Variants in ZFYVE19 observed in about 807,000 individuals in gnomAD.
ZFYVE19 encodes zinc finger FYVE-type containing 19.
Under a neutral mutation model 62.8 loss-of-function variants are expected in ZFYVE19, and 49 were observed. The observed-to-expected ratio is 0.78, with a 90% CI of 0.62 to 0.99. The LOEUF (loss-of-function observed/expected upper bound fraction) is 0.99. ZFYVE19 is among the 50% of genes least tolerant of loss of function. The probability of loss-of-function intolerance (pLI) is 0.00; values close to 1 mark genes in which losing one functional copy is unlikely to be tolerated. For missense variants in ZFYVE19, 630 were observed against 601.9 expected, an observed-to-expected ratio of 1.05 and a Z score of -0.49; for synonymous variants, 242 against 234.3, an observed-to-expected ratio of 1.03 and a Z score of -0.30.
intron 3 of ZFYVE19, 69 bp downstream of exon 3, chr15:40,809,527 G>T: frequency 6.4e-7 from 1 of 1,553,988 alleles, no homozygotes; most frequent in Non-Finnish European, 8.8e-7. Context: ...GAAAGACCCT[G>T]CCCCCATCTT....
intron 1 of ZFYVE19, chr15:40,808,627 A>G (rs1890361606): frequency 2.4e-6 from 1 of 412,332 alleles, no homozygotes; most frequent in Non-Finnish European, 4.4e-6. Context: ...AAGTAAAATA[A>G]TGTGTGTAAA....
At position 40,807,740 on chromosome 15, in the gene ZFYVE19, G is replaced by A; in HGVS notation, c.151G>A (p.Gly51Ser). Residue 51 changes from glycine to serine, a missense_variant, in exon 1 of 11, where the codon GGT becomes AGT. By Grantham distance (56) the Gly-to-Ser change is moderately conservative (BLOSUM62 0). Coordinates refer to ENST00000355341, the MANE Select transcript of ZFYVE19 (RefSeq NM_001077268.2). ...GCAGGGAAGGGAAGGGCGGAGCTGG[G>A]GTGAGGGTCCAAGGGGCCCAGGACT... ...AGQGREGRSW[G>S]EGPRGPGLGR... 3 of 1,595,350 alleles carry A rather than the reference G, an allele frequency of 1.9e-6. No homozygotes were observed. Among genetic ancestry groups the A allele is most frequent in the South Asian group, 2.2e-5 (2 of 89,032 alleles).
rs1165150897 is a variant in ZFYVE19, at chr15:40,809,836, T to C, written c.453-16T>C. On this transcript the variant is annotated splice_polypyrimidine_tract_variant and intron_variant, in intron 3 of 10. Transcript: ENST00000355341. ...CCTCTGCCTTCTTCAAGAGCCTCTA[T>C]CTCATATCCTGCCAGGCGTGTGGCA... 1 of 1,613,372 alleles carries C rather than the reference T, an allele frequency of 6.2e-7. No individual in the cohort carries two copies. Among genetic ancestry groups the C allele is most frequent in the African/African-American group, 1.3e-5 (1 of 75,020 alleles).
intron 6 of ZFYVE19, among the ~76,000 whole-genome samples, 154 bp from the exon 7 acceptor site, chr15:40,812,545 C>CA (rs373468873): frequency 2.6e-3 from 119 of 46,474 alleles, no homozygotes; most frequent in African/African-American, 3.1e-3. Flanking sequence ...GACTCCATCT[C>CA]AAAAAAAAAA....
chr15:40,808,390 C>T lies in ZFYVE19; in HGVS notation c.279+522C>T, dbSNP rs371050110. The T allele has an allele frequency of 6.5e-5, 103 of 1,595,866 alleles. No homozygotes were observed. In the South Asian group the frequency reaches 9.3e-4, roughly 14 times the overall value. ...CTGGTAAACTGCAGGTTCCCTCTGC[C>T]TCAGTTGTGGCCAGGGATTCTGACC... On this transcript the variant is annotated intron_variant, in intron 1 of 10. Transcript: ENST00000355341.
intron 2 of ZFYVE19, 53 bp from the exon 3 acceptor site, chr15:40,809,355 G>C: frequency 6.2e-7 from 1 of 1,613,492 alleles, no homozygotes; most frequent in East Asian, 2.2e-5. Context: ...TGGAGTGGGG[G>C]GCACTGCCTG....
intron 1 of ZFYVE19, chr15:40,808,695 A>G: frequency 3.2e-6 from 1 of 316,490 alleles, no homozygotes; most frequent in South Asian, 3.6e-5. Flanking sequence ...CCTGGCACAT[A>G]GTAAGTGCTT....
Position 40,807,162 on chromosome 15 carries a change from A to T in ZFYVE19, c.-428A>T. ...GAGAGCACAGCCACCCGGCGCGAAG[A>T]GCCCTCTGTACCCCGCTTCCTCTTG... On this transcript the variant is annotated 5_prime_UTR_variant, in exon 1 of 11. Transcript: ENST00000355341. 7.8e-7 allele frequency: 1 copy of T among 1,275,086 alleles called. No homozygotes were observed. The highest frequency in any genetic ancestry group is 1.1e-6 in the Non-Finnish European group (1 of 948,848). The allele number at this position is 1,275,086 out of a possible 1,614,324, so 79.0% of individuals were successfully genotyped here.
chr15:40,807,238 T>C lies in ZFYVE19; in HGVS notation c.-352T>C. 6.4e-7 allele frequency: 1 copy of C among 1,565,738 alleles called. No homozygotes were observed. The highest frequency in any genetic ancestry group is 8.6e-7 in the Non-Finnish European group (1 of 1,156,522). ...TCTGGGAGCCCGCCTGCGGAGGGCA[T>C]AGCGCCGACCCTCGCTCCCCGCCCA... is the stretch of plus-strand genomic sequence containing the variant. On this transcript the variant is annotated 5_prime_UTR_variant, in exon 1 of 11. Transcript: ENST00000355341.
chr15:40,814,490 G>A lies in ZFYVE19; in HGVS notation c.*264G>A, dbSNP rs1890610049. ...GAGAGACCAGACTGAATCTACGGGT[G>A]AGCCCTGTAACCTGGCTCTAGGGCA... On this transcript the variant is annotated 3_prime_UTR_variant, in exon 11 of 11. Transcript: ENST00000355341. 3.8e-6 allele frequency: 2 copies of A among 530,290 alleles called. No individual in the cohort carries two copies. The highest frequency in any genetic ancestry group is 3.4e-6 in the Non-Finnish European group (1 of 294,004). The allele number at this position is 530,290 out of a possible 1,614,324, so 32.8% of individuals were successfully genotyped here.
rs759730956 is a variant in ZFYVE19, at chr15:40,814,703, C to G, written c.*477C>G. 15 of 180,868 alleles carry G rather than the reference C, an allele frequency of 8.3e-5. No homozygotes were observed. Among genetic ancestry groups the G allele is most frequent in the Non-Finnish European group, 1.4e-4 (12 of 84,462 alleles). 11.2% of individuals were successfully genotyped at this position (180,868 alleles called of 1,614,324 possible). A position where few individuals can be genotyped will look rare whatever the true frequency, so the allele number is the denominator to read the frequency against. On this transcript the variant is annotated 3_prime_UTR_variant, in exon 11 of 11. Coordinates refer to ENST00000355341, the MANE Select transcript of ZFYVE19 (RefSeq NM_001077268.2). ...TCCTATGAACTTCTCCAGGCAGGAACAGCCCTACCCATCCTGGTGGCCTCA... is the reference window on the plus strand; with the variant it reads ...TCCTATGAACTTCTCCAGGCAGGAAGAGCCCTACCCATCCTGGTGGCCTCA...
At chr15:40,813,652 C>T (rs1304044820) in intron 8 of ZFYVE19, 61 bp from the exon 9 acceptor site, 11 of 1,474,046 alleles carry the variant, frequency 7.5e-6, no homozygotes, top group Non-Finnish European at 1.0e-5. Context: ...CACAGAAATA[C>T]TGGGAGATGG....
At chr15:40,813,842 G>A (rs1422594621) in intron 9 of ZFYVE19, 31 bp downstream of exon 9, 13 of 1,605,322 alleles carry the variant, frequency 8.1e-6, no homozygotes, top group Non-Finnish European at 1.1e-5. Flanking sequence ...AGACCCCCAG[G>A]CTCCCCCCAG....
Position 40,807,574 on chromosome 15 carries a change from A to G in ZFYVE19, c.-16A>G, listed in dbSNP as rs374094279. The G allele has an allele frequency of 2.6e-4, 416 of 1,609,190 alleles. No individual in the cohort carries two copies. The African/African-American group carries it at 5.1e-3, about 20-fold the overall frequency. On this transcript the variant is annotated 5_prime_UTR_variant, in exon 1 of 11. Transcript: ENST00000355341. ...GGTCAGGCTTGACTGACTCTGAGGG[A>G]GGCCGGCAGTCGTGAATGAACTACG...
intron 1 of ZFYVE19, chr15:40,808,692 C>T (rs1890364199): frequency 3.1e-6 from 1 of 318,842 alleles, no homozygotes; most frequent in African/African-American, 2.1e-5. Flanking sequence ...GTGCCTGGCA[C>T]ATAGTAAGTG....
At chr15:40,808,129 C>CTATTTAATTTTTTTTTTTTTTTT in intron 1 of ZFYVE19, 1 of 1,468,692 alleles carries the variant, frequency 6.8e-7, no homozygotes. Context: ...TGCAAAGCTA[C>CTATTTAATTTTTTTTTTTTTTTT]TCTTTTCTGT....
At chr15:40,810,803 C>T (rs564140933) in intron 6 of ZFYVE19, 46 bp downstream of exon 6, 1 of 1,548,972 alleles carries the variant, frequency 6.5e-7, no homozygotes, top group East Asian at 2.4e-5. Context: ...TACCTCTTTC[C>T]CCAGACTGGA....
At chr15:40,808,308 G>A (rs374167712) in intron 1 of ZFYVE19, 139 of 1,597,658 alleles carry the variant, frequency 8.7e-5, no homozygotes, top group Non-Finnish European at 7.3e-5. Context: ...TCCTGCTTCC[G>A]GGGCACCATG....
In ZFYVE19 at chr15:40,810,052, C is replaced by A. The variant is rs759907891; in HGVS notation, c.572-19C>A. 4.3e-6 allele frequency: 7 copies of A among 1,613,942 alleles called. No homozygotes were observed. The African/African-American group carries it at 9.3e-5, about 22-fold the overall frequency. On this transcript the variant is annotated intron_variant, in intron 4 of 10. Transcript: ENST00000355341. Reference sequence around the variant, plus strand: ...AGATGCCTCTGGCCCTTACAAGGCTCCCCCCATGCCAATTGCAGAGTTAGT... The same window carrying A: ...AGATGCCTCTGGCCCTTACAAGGCTACCCCCATGCCAATTGCAGAGTTAGT...
Sources: allele counts gnomAD v4.1 joint callset (sites outside exome capture counted in the v4.1 genomes callset), GRCh38; gene constraint gnomAD v4.1.1; transcripts MANE v1.5; gene names NCBI Gene and HGNC (gene_info 2026-07-23, HGNC 2026-07-21).